SYNE1: variants seen among roughly 807,000 people sequenced by gnomAD.
SYNE1 encodes spectrin repeat containing nuclear envelope protein 1, also known as nesprin-1.
A neutral mutation model predicts 1,111.0 loss-of-function variants in SYNE1; 616 were observed. That is an observed-to-expected ratio of 0.55 (90% confidence interval 0.52 to 0.59). SYNE1 has a LOEUF of 0.59. Ranked by LOEUF, SYNE1 falls within the 20% of genes least tolerant of loss-of-function variation. The pLI, the probability that SYNE1 is intolerant of heterozygous loss-of-function variation, is 0.00. For synonymous variants in SYNE1, 3,855 were observed against 3,825.8 expected, an observed-to-expected ratio of 1.01 and a Z score of -0.28; for missense variants, 10,006 against 10,417.0, an observed-to-expected ratio of 0.96 and a Z score of 1.72.
chr6:152,504,331 G>A (rs1177372933), intron 9 of SYNE1, among the ~76,000 whole-genome samples: 1 of 152,046 alleles, frequency 6.6e-6, no homozygotes, highest in Non-Finnish European at 1.5e-5. Context: ...AAACCTAACT[G>A]GGTCTCTGTA....
rs12681 is a variant in SYNE1 at position 152,122,254 on chromosome 6, C to G, written c.*182G>C. ...CCTTCTTGTTGTCTGTTTGTTCCCCCGTCACTGTTTATCTTCCACCTCTGA... is the reference window on the plus strand; with the variant it reads ...CCTTCTTGTTGTCTGTTTGTTCCCCGGTCACTGTTTATCTTCCACCTCTGA... On this transcript the variant is annotated 3_prime_UTR_variant, in exon 146 of 146. Transcript: ENST00000367255. 1 of 873,904 alleles carries G rather than the reference C, an allele frequency of 1.1e-6. No individual in the cohort carries two copies. Among genetic ancestry groups the G allele is most frequent in the Non-Finnish European group, 1.8e-6 (1 of 559,778 alleles). 54.1% of individuals were successfully genotyped at this position (873,904 alleles called of 1,614,324 possible).
At chr6:152,410,743 A>G (rs1163742663) in intron 42 of SYNE1, among the ~76,000 whole-genome samples, 1 of 152,232 alleles carries the variant, frequency 6.6e-6, no homozygotes, top group African/African-American at 2.4e-5. Flanking sequence ...AAGAAACAAC[A>G]ACAAAAGAAT....
At chr6:152,417,521 C>CAAAAAAAAA (rs1554664101) in intron 40 of SYNE1, among the ~76,000 whole-genome samples, 1 of 151,644 alleles carries the variant, frequency 6.6e-6, no homozygotes, top group African/African-American at 2.4e-5. Flanking sequence ...AACAAACAAA[C>CAAAAAAAAA]AAACACAACT....
intron 83 of SYNE1, 65 bp from the exon 84 acceptor site, chr6:152,321,455 T>A: frequency 6.4e-7 from 1 of 1,564,996 alleles, no homozygotes; most frequent in Non-Finnish European, 8.7e-7. Context: ...TAGACAAGGC[T>A]GTATATTTTT....
intron 14 of SYNE1, among the ~76,000 whole-genome samples, chr6:152,477,023 C>T (rs2098838976): frequency 6.6e-6 from 1 of 152,020 alleles, no homozygotes; most frequent in Non-Finnish European, 1.5e-5. Context: ...GCACAGAAAA[C>T]ACCACAAAAT....
At chr6:152,410,151 A>G (rs1208377431) in intron 42 of SYNE1, 1 of 160,974 alleles carries the variant, frequency 6.2e-6, no homozygotes, top group Non-Finnish European at 1.4e-5. Context: ...TAAAAAGATT[A>G]CTCAATAATT....
intron 87 of SYNE1, among the ~76,000 whole-genome samples, chr6:152,312,111 TTTC>T (rs1251055583): frequency 6.6e-6 from 1 of 152,094 alleles, no homozygotes; most frequent in Non-Finnish European, 1.5e-5. Flanking sequence ...AATGAAGTAC[TTTC>T]TTTTCTCACA....
Position 152,373,133 on chromosome 6 carries a change from T to C in SYNE1, c.9411A>G (p.Lys3137=), listed in dbSNP as rs975537862. 5 of 1,614,022 alleles carry C rather than the reference T, an allele frequency of 3.1e-6. No homozygotes were observed. The highest frequency in any genetic ancestry group is 4.2e-6 in the Non-Finnish European group (5 of 1,180,040). Residue 3137 remains lysine (K), a synonymous_variant, in exon 59 of 146, where the codon AAA becomes AAG. Transcript: ENST00000367255. ...TGGCCTGGATCCCTTTCGCTTTCTCTTTGGTCAGCAGGGTACTCAGAAGTT... is the reference window on the plus strand; with the variant it reads ...TGGCCTGGATCCCTTTCGCTTTCTCCTTGGTCAGCAGGGTACTCAGAAGTT... ...KGELLSTLLT[K]EKAKGIQAKV... is the part of the protein sequence containing the mutation.
intron 28 of SYNE1, among the ~76,000 whole-genome samples, chr6:152,447,942 A>G (rs2098606677): frequency 6.6e-6 from 1 of 152,252 alleles, no homozygotes; most frequent in Admixed American, 6.5e-5. Flanking sequence ...ATTGGCAACT[A>G]TAACATACAT....
At chr6:152,436,209 G>A in intron 32 of SYNE1, 108 bp from the exon 33 acceptor site, 2 of 1,163,320 alleles carry the variant, frequency 1.7e-6, no homozygotes, top group Non-Finnish European at 2.4e-6. Flanking sequence ...TGAAGACATA[G>A]AGTCATACAT....
At chr6:152,430,075 G>A in intron 36 of SYNE1, 37 bp downstream of exon 36, 1 of 1,404,082 alleles carries the variant, frequency 7.1e-7, no homozygotes, top group Non-Finnish European at 9.9e-7. Flanking sequence ...CAAATTTTAA[G>A]TTGGTAAATA....
chr6:152,379,855 C>T (rs2097368655), intron 56 of SYNE1, among the ~76,000 whole-genome samples: 1 of 152,116 alleles, frequency 6.6e-6, no homozygotes, highest in Non-Finnish European at 1.5e-5. Context: ...GTAATGTAAT[C>T]TAGGCACAGC....
intron 72 of SYNE1, 67 bp downstream of exon 72, chr6:152,350,101 C>T (rs2096715632): frequency 6.3e-7 from 1 of 1,586,540 alleles, no homozygotes; most frequent in Non-Finnish European, 8.6e-7. Flanking sequence ...CACACACATG[C>T]ACAGACACAT....
At position 152,218,267 on chromosome 6, in the gene SYNE1, T is replaced by A; in HGVS notation, c.22181A>T (p.Glu7394Val). The change falls in exon 121 of 146, where the codon GAA (glutamate) becomes GTA (valine). Residue 7394 changes from glutamate (E) to valine (V), a missense_variant. Coordinates refer to ENST00000367255, the MANE Select transcript of SYNE1 (RefSeq NM_182961.4). ...TTTGAACACACTTACCTTAAGTTCT[T>A]CCATCCTTTCCTGGATTGTGGAGAG... ...SDLSTIQERMEELKGQMLKFS... is the reference protein window; with the variant it reads ...SDLSTIQERMVELKGQMLKFS... 1 of 1,614,136 alleles carries A rather than the reference T, an allele frequency of 6.2e-7. No homozygotes were observed. The highest frequency in any genetic ancestry group is 8.5e-7 in the Non-Finnish European group (1 of 1,179,994).
At chr6:152,447,163 C>T (rs2098600097) in intron 29 of SYNE1, among the ~76,000 whole-genome samples, 1 of 152,128 alleles carries the variant, frequency 6.6e-6, no homozygotes, top group Non-Finnish European at 1.5e-5. Context: ...TTATCTTAAG[C>T]TGACCATAAA....
At chr6:152,498,435 T>C (rs2099011148) in intron 11 of SYNE1, among the ~76,000 whole-genome samples, 1 of 152,230 alleles carries the variant, frequency 6.6e-6, no homozygotes, top group Non-Finnish European at 1.5e-5. Context: ...AAAGACACCA[T>C]ACGTAGTTAC....
intron 131 of SYNE1, among the ~76,000 whole-genome samples, chr6:152,157,999 C>A (rs1004692347): frequency 1.3e-5 from 2 of 152,084 alleles, no homozygotes; most frequent in Admixed American, 1.3e-4. Context: ...CCAGGTGATC[C>A]GCCCACCTCG....
intron 95 of SYNE1, among the ~76,000 whole-genome samples, chr6:152,289,459 C>G (rs1159102993): frequency 3.3e-5 from 5 of 152,202 alleles, no homozygotes; most frequent in Non-Finnish European, 5.9e-5. Context: ...GCTGCCATCT[C>G]TGCTCACTGT....
At chr6:152,314,236 G>C (rs1013658383) in intron 87 of SYNE1, among the ~76,000 whole-genome samples, 1 of 152,162 alleles carries the variant, frequency 6.6e-6, no homozygotes, top group Non-Finnish European at 1.5e-5. Context: ...AGTGACTTCA[G>C]GATAAAGTCC....
Sources: allele counts gnomAD v4.1 joint callset (sites outside exome capture counted in the v4.1 genomes callset), GRCh38; gene constraint gnomAD v4.1.1; transcripts MANE v1.5; gene names NCBI Gene and HGNC (gene_info 2026-07-23, HGNC 2026-07-21).